CHSY3: variants seen among roughly 807,000 people sequenced by gnomAD.
CHSY3 encodes the protein N-acetylgalactosaminyl-proteoglycan 3-beta-glucuronosyltransferase 3.
In CHSY3, 35 loss-of-function variants were observed where a neutral mutation model predicts 67.2. That is an observed-to-expected ratio of 0.52 (90% CI 0.40 to 0.69). The LOEUF (loss-of-function observed/expected upper bound fraction) is 0.69, where lower values mean the gene tolerates loss of function less well. Ranked by LOEUF, CHSY3 falls within the 30% of genes least tolerant of loss-of-function variation. The probability of loss-of-function intolerance (pLI) is 0.00; values close to 1 mark genes in which losing one functional copy is unlikely to be tolerated. For missense variants in CHSY3, 1,069 were observed against 1,138.5 expected (o/e 0.94, Z 0.88); for synonymous variants, 474 against 434.7 (o/e 1.09, Z -1.12).
At chr5:130,121,109 T>G (rs1274423971) in intron 2 of CHSY3, among the ~76,000 whole-genome samples, 1 of 152,152 alleles carries the variant, frequency 6.6e-6, no homozygotes, top group South Asian at 2.1e-4. Flanking sequence ...GGGCTGTGTC[T>G]TTATAGTGGT....
chr5:130,185,727 T>C lies in CHSY3; in HGVS notation c.2585T>C (p.Met862Thr), dbSNP rs757078372. The part of the protein sequence containing the change: ...GSKASTFAST[M>T]QLAELWLEKH... ...AAGGCAAGTACTTTCGCCTCAACCA[T>C]GCAACTGGCTGAACTCTGGCTTGAA... is the stretch of plus-strand genomic sequence containing the variant. Residue 862 changes from methionine (M) to threonine (T), a missense_variant, in exon 3 of 3, where the codon ATG becomes ACG. By Grantham distance (81) the Met-to-Thr change is moderately conservative. Around this residue, in one of 5 missense-constraint regions of CHSY3, gnomAD observed 139 missense variants for 152.8 expected, o/e 0.91. Coordinates refer to ENST00000305031, the MANE Select transcript of CHSY3 (RefSeq NM_175856.5). 1.9e-6 allele frequency: 3 copies of C among 1,612,888 alleles called. No individual in the cohort carries two copies. The highest frequency in any genetic ancestry group is 2.5e-6 in the Non-Finnish European group (3 of 1,179,252).
intron 2 of CHSY3, among the ~76,000 whole-genome samples, chr5:130,163,540 T>C (rs1040011764): frequency 1.3e-5 from 2 of 152,136 alleles, no homozygotes; most frequent in Admixed American, 6.5e-5. Context: ...TTCTTCTAAA[T>C]TATTCTCTGA....
chr5:130,013,743 G>T (rs772842371), intron 2 of CHSY3, among the ~76,000 whole-genome samples: 1 of 152,182 alleles, frequency 6.6e-6, no homozygotes, highest in South Asian at 2.1e-4. Flanking sequence ...GCCTGCAATG[G>T]GAGGGTTGCG....
At chr5:129,918,978 G>A (rs1222571061) in intron 2 of CHSY3, among the ~76,000 whole-genome samples, 5 of 148,184 alleles carry the variant, frequency 3.4e-5, no homozygotes, top group African/African-American at 7.5e-5. Flanking sequence ...GCGGTGGCGG[G>A]CGCCTGTAGT....
rs1021729773 is a variant in CHSY3 at position 129,982,273 on chromosome 5, A to G, written c.1086+73913A>G. On this transcript the variant is annotated intron_variant, in intron 2 of 2. Transcript: ENST00000305031. The stretch of plus-strand genomic sequence containing the variant: ...CTATATATAAAACTATATTATTCCA[A>G]TGTAAAAAAAAACACACACACACAC... 3.9e-5 allele frequency among the ~76,000 whole-genome samples: 6 copies of G among 151,900 alleles called. No individual in the cohort carries two copies. In the East Asian group the frequency reaches 5.8e-4, roughly 15 times the overall value.
chr5:129,908,145 C>A lies in CHSY3; in HGVS notation c.871C>A (p.Leu291Met). 1 of 1,614,116 alleles carries A rather than the reference C, an allele frequency of 6.2e-7. No homozygotes were observed. The highest frequency in any genetic ancestry group is 2.2e-5 in the East Asian group (1 of 44,880). The change falls in exon 2 of 3, where the codon CTG becomes ATG. Residue 291 changes from leucine (L) to methionine (M), a missense_variant. This residue lies in a region of CHSY3 where 216 missense variants were observed against 311.5 expected (regional missense o/e 0.69). Coordinates refer to ENST00000305031, the MANE Select transcript of CHSY3 (RefSeq NM_175856.5). ...SKPLYLGQTG[L>M]GNIEELGKLG... ...GCCTCTCTACCTGGGACAGACTGGC[C>A]TGGGGAATATTGAAGAGCTTGGAAA...
intron 2 of CHSY3, among the ~76,000 whole-genome samples, chr5:129,966,882 G>T (rs192807391): frequency 2.0e-5 from 3 of 151,876 alleles, no homozygotes; most frequent in Non-Finnish European, 4.4e-5. Flanking sequence ...TGATCAAGTT[G>T]TCCCTCCTAC....
intron 2 of CHSY3, among the ~76,000 whole-genome samples, chr5:130,007,359 G>A (rs532160723): frequency 3.9e-5 from 6 of 151,982 alleles, no homozygotes; most frequent in South Asian, 2.1e-4. Flanking sequence ...CTGAGAGGCC[G>A]GACCATCAAA....
intron 2 of CHSY3, among the ~76,000 whole-genome samples, chr5:130,180,851 A>G (rs906578264): frequency 1.3e-5 from 2 of 152,258 alleles, no homozygotes; most frequent in Non-Finnish European, 2.9e-5. Flanking sequence ...CCCCATCTCA[A>G]GAAAACAAAA....
At chr5:130,000,729 C>CTT (rs1580634564) in intron 2 of CHSY3, among the ~76,000 whole-genome samples, 2 of 71,710 alleles carry the variant, frequency 2.8e-5, no homozygotes, top group African/African-American at 5.5e-5. Context: ...TGTAACTTTT[C>CTT]TTCTTTTTTT....
At chr5:130,140,387 T>G in intron 2 of CHSY3, 1 of 667,792 alleles carries the variant, frequency 1.5e-6, no homozygotes, top group Non-Finnish European at 2.6e-6. Context: ...GTGTTTTTTA[T>G]GGTTCTGATA....
intron 1 of CHSY3, among the ~76,000 whole-genome samples, chr5:129,906,096 G>T (rs1234260669): frequency 2.0e-5 from 3 of 152,166 alleles, no homozygotes; most frequent in African/African-American, 7.2e-5. Flanking sequence ...TCTGGCTTTG[G>T]ATCTTGCTCT....
intron 2 of CHSY3, among the ~76,000 whole-genome samples, chr5:130,100,092 G>T (rs1317698756): frequency 6.6e-6 from 1 of 152,090 alleles, no homozygotes; most frequent in East Asian, 1.9e-4. Flanking sequence ...ATTAATGAGG[G>T]AATATTTTTA....
chr5:130,068,917 T>G (rs1385108598), intron 2 of CHSY3, among the ~76,000 whole-genome samples: 1 of 152,044 alleles, frequency 6.6e-6, no homozygotes, highest in East Asian at 1.9e-4. Flanking sequence ...TGTAGCAGAG[T>G]CTATTGCCAG....
intron 2 of CHSY3, among the ~76,000 whole-genome samples, chr5:129,981,364 TTATTA>T (rs1303078719): frequency 2.6e-5 from 4 of 152,072 alleles, no homozygotes; most frequent in Non-Finnish European, 4.4e-5. Context: ...TTAAATTATT[TTATTA>T]TATTATATTC....
intron 2 of CHSY3, among the ~76,000 whole-genome samples, chr5:130,148,274 C>T (rs1329920146): frequency 6.6e-6 from 1 of 151,998 alleles, no homozygotes; most frequent in African/African-American, 2.4e-5. Context: ...GTATATGTAC[C>T]ACATTTTCTT....
chr5:130,122,135 A>G (rs1490002032), intron 2 of CHSY3, among the ~76,000 whole-genome samples: 1 of 152,212 alleles, frequency 6.6e-6, no homozygotes, highest in Non-Finnish European at 1.5e-5. Flanking sequence ...TAATAAGTAA[A>G]CAATTGATAT....
intron 2 of CHSY3, among the ~76,000 whole-genome samples, chr5:130,172,271 T>A (rs1328436467): frequency 1.3e-5 from 2 of 151,720 alleles, no homozygotes; most frequent in Non-Finnish European, 2.9e-5. Flanking sequence ...AAATAAAAAC[T>A]GAAGAAAAAG....
intron 2 of CHSY3, among the ~76,000 whole-genome samples, chr5:130,078,550 AT>A (rs998613045): frequency 1.3e-5 from 2 of 152,024 alleles, no homozygotes; most frequent in East Asian, 1.9e-4. Context: ...TGACTATTGG[AT>A]TTTTTTATTA....
Sources: allele counts gnomAD v4.1 joint callset (sites outside exome capture counted in the v4.1 genomes callset), GRCh38; gene constraint gnomAD v4.1.1; regional missense constraint gnomAD v4.1.1; transcripts MANE v1.5; gene names NCBI Gene and HGNC (gene_info 2026-07-23, HGNC 2026-07-21).